SHD: variants seen among roughly 807,000 people sequenced by gnomAD.
SHD encodes the protein Src homology 2 domain containing transforming protein D, also known as SH2 domain-containing adapter protein D.
Under a neutral mutation model 31.2 loss-of-function variants are expected in SHD, and 29 were observed. The ratio of observed to expected loss-of-function variants is 0.93; its 90% CI spans 0.69 to 1.27. The LOEUF (loss-of-function observed/expected upper bound fraction) is 1.27. SHD is among the 50% of genes most tolerant of loss of function. SHD has a pLI of 0.00. For missense variants in SHD, 520 were observed against 453.8 expected (o/e 1.15, Z -1.33); for synonymous variants, 208 against 187.8 (o/e 1.11, Z -0.88).
In SHD at chr19:4,279,562, G is replaced by T. The variant is rs1178905682; in HGVS notation, c.-502G>T. ...TGCGCGCGGCGCCCGCGCCCCTGGGGAGCCCGCCCGCTGCGCTGAGAACCC... is the reference window on the plus strand; with the variant it reads ...TGCGCGCGGCGCCCGCGCCCCTGGGTAGCCCGCCCGCTGCGCTGAGAACCC... On this transcript the variant is annotated 5_prime_UTR_variant, in exon 1 of 6. Transcript: ENST00000543264. The surrounding 1 kb of genome is among the most constrained non-coding windows in gnomAD (Gnocchi z 7.5). 1 of 152,862 alleles carries T rather than the reference G, an allele frequency of 6.5e-6. No homozygotes were observed. The highest frequency in any genetic ancestry group is 6.5e-5 in the Admixed American group (1 of 15,298). The allele number at this position is 152,862 out of a possible 1,614,324, so 9.5% of individuals were successfully genotyped here. A position where few individuals can be genotyped will look rare whatever the true frequency, so the allele number is the denominator to read the frequency against.
intron 5 of SHD, among the ~76,000 whole-genome samples, chr19:4,289,559 A>ATTAT (rs1187225392): frequency 0.012 from 1,690 of 146,824 alleles, 40 homozygotes; most frequent in African/African-American, 0.038. Flanking sequence ...TATTATTATT[A>ATTAT]TTATTTATTT....
rs1267580508 is a variant in SHD, at chr19:4,282,845, C to A, written c.298-25C>A. ...CAGGGAAGCCCCTCTGAGTCCTTGT[C>A]TTCTCCCCTTCCTTCTCTCCGCAGC... On this transcript the variant is annotated intron_variant, in intron 1 of 5. Transcript: ENST00000543264. The A allele has an allele frequency of 1.9e-6, 3 of 1,600,490 alleles. No homozygotes were observed. The Admixed American group carries it at 5.0e-5, about 27-fold the overall frequency.
At chr19:4,285,034 T>A in intron 4 of SHD, 130 bp downstream of exon 4, 1 of 1,165,700 alleles carries the variant, frequency 8.6e-7, no homozygotes, top group Non-Finnish European at 1.1e-6. Context: ...ATCCACTTAT[T>A]TCTTCAGCTA....
chr19:4,283,295 T>G (rs1971275963), intron 3 of SHD, 53 bp downstream of exon 3: 5 of 1,539,044 alleles, frequency 3.2e-6, no homozygotes, highest in Non-Finnish European at 3.5e-6. Flanking sequence ...CTGCATTTCC[T>G]CATCTGGTCA....
At position 4,284,890 on chromosome 19, in the gene SHD, C is replaced by A; in HGVS notation, c.702C>A (p.Pro234=). The part of the protein sequence containing the change: ...QPAERVDPAL[P]LEKQPWFHGP... ...CGGAGCGTGTGGACCCAGCCCTGCC[C>A]CTGGAGAAACAGCCGTGAGTGGGGA... is the stretch of plus-strand genomic sequence containing the variant. The change falls in exon 4 of 6, where the codon CCC becomes CCA. Residue 234 remains proline, a synonymous_variant. Transcript: ENST00000543264. 6.3e-7 allele frequency: 1 copy of A among 1,599,948 alleles called. No homozygotes were observed. Among genetic ancestry groups the A allele is most frequent in the South Asian group, 1.1e-5 (1 of 90,050 alleles).
At chr19:4,288,695 C>A (rs1017077539) in intron 5 of SHD, among the ~76,000 whole-genome samples, 6 of 152,106 alleles carry the variant, frequency 3.9e-5, no homozygotes, top group African/African-American at 1.4e-4. Context: ...AATTTGTGTC[C>A]ATCTGAAGCC....
chr19:4,281,620 A>T (rs1971257736), intron 1 of SHD, among the ~76,000 whole-genome samples: 1 of 151,140 alleles, frequency 6.6e-6, no homozygotes, highest in African/African-American at 2.4e-5. Context: ...TAACCAGGCG[A>T]TGTGGCGTGC....
intron 1 of SHD, among the ~76,000 whole-genome samples, chr19:4,282,249 GTC>G (rs1279553516): frequency 2.6e-5 from 4 of 151,842 alleles, no homozygotes; most frequent in African/African-American, 9.7e-5. Flanking sequence ...GTGAAACCCT[GTC>G]TCTACTAAAA....
At chr19:4,281,243 G>A (rs942555879) in intron 1 of SHD, among the ~76,000 whole-genome samples, 4 of 150,966 alleles carry the variant, frequency 2.6e-5, no homozygotes, top group Non-Finnish European at 5.9e-5. Flanking sequence ...CCAGGAGTTC[G>A]AGACCAGCCC....
intron 3 of SHD, 58 bp from the exon 4 acceptor site, chr19:4,284,723 G>A: frequency 7.1e-7 from 1 of 1,413,100 alleles, no homozygotes; most frequent in East Asian, 2.7e-5. Context: ...GCTTGCCCCT[G>A]CCCCGCCCCC....
chr19:4,289,799 C>T (rs1200890586), intron 5 of SHD, among the ~76,000 whole-genome samples: 1 of 151,248 alleles, frequency 6.6e-6, no homozygotes, highest in Admixed American at 6.6e-5. Flanking sequence ...TCTCCATCTC[C>T]TGACCTCGTG....
intron 1 of SHD, among the ~76,000 whole-genome samples, chr19:4,281,341 C>T (rs914929076): frequency 1.3e-5 from 2 of 150,784 alleles, no homozygotes; most frequent in African/African-American, 4.9e-5. Flanking sequence ...CCCAGCTACT[C>T]AGGAGGCTGA....
chr19:4,287,265 G>A (rs1272877038), intron 4 of SHD, among the ~76,000 whole-genome samples: 1 of 151,908 alleles, frequency 6.6e-6, no homozygotes, highest in Admixed American at 6.6e-5. Flanking sequence ...CGGGGAGGCG[G>A]AGCTTACAGT....
intron 4 of SHD, 115 bp downstream of exon 4, chr19:4,285,019 C>T (rs1209280161): frequency 2.1e-5 from 26 of 1,232,102 alleles, no homozygotes; most frequent in Non-Finnish European, 2.8e-5. Flanking sequence ...AACTTCGATT[C>T]ATTCATCCAC....
At chr19:4,284,237 G>A (rs1971285683) in intron 3 of SHD, among the ~76,000 whole-genome samples, 1 of 152,062 alleles carries the variant, frequency 6.6e-6, no homozygotes, top group Admixed American at 6.6e-5. Flanking sequence ...GGAGGCGGAG[G>A]TTGCGGTGAG....
At chr19:4,289,223 G>T (rs1490537101) in intron 5 of SHD, among the ~76,000 whole-genome samples, 1 of 144,446 alleles carries the variant, frequency 6.9e-6, no homozygotes, top group Non-Finnish European at 1.5e-5. Flanking sequence ...CCATTCTCCT[G>T]CCTCAGCCTC....
intron 4 of SHD, among the ~76,000 whole-genome samples, chr19:4,286,232 TTTCTTTCTTTC>T (rs1971311372): frequency 2.4e-5 from 1 of 41,842 alleles, no homozygotes; most frequent in East Asian, 1.1e-3. Context: ...CTTTCTTTCT[TTTCTTTCTTTC>T]TTTCTTTCTT....
Position 4,288,325 on chromosome 19 carries a change from A to G in SHD, c.799A>G (p.Ser267Gly), listed in dbSNP as rs1423208477. 2 of 1,613,892 alleles carry G rather than the reference A, an allele frequency of 1.2e-6. No homozygotes were observed. Among genetic ancestry groups the G allele is most frequent in the Non-Finnish European group, 8.5e-7 (1 of 1,179,924 alleles). Reference protein sequence around the residue: ...CKEGSYLVRLSETNPQDCSLS... With the variant: ...CKEGSYLVRLGETNPQDCSLS... ...GGAAGGCAGCTACCTAGTGCGGCTC[A>G]GTGAGACCAACCCCCAGGACTGCTC... The change falls in exon 5 of 6, where the codon AGT (serine) becomes GGT (glycine). Residue 267 changes from serine (S) to glycine (G), a missense_variant. Transcript: ENST00000543264.
chr19:4,289,366 C>A (rs1462468879), intron 5 of SHD, among the ~76,000 whole-genome samples: 1 of 151,068 alleles, frequency 6.6e-6, no homozygotes, highest in African/African-American at 2.4e-5. Flanking sequence ...CCGCCTCAGC[C>A]TCCCAAAGTG....
Sources: allele counts gnomAD v4.1 joint callset (sites outside exome capture counted in the v4.1 genomes callset), GRCh38; gene constraint gnomAD v4.1.1; non-coding constraint Gnocchi (gnomAD v3.1); transcripts MANE v1.5; gene names NCBI Gene and HGNC (gene_info 2026-07-23, HGNC 2026-07-21).